The following ECPAS variants were observed in gnomAD, a reference collection of about 807,000 sequenced individuals.
The protein encoded by ECPAS is Ecm29 proteasome adaptor and scaffold.
ECPAS carries 70 observed loss-of-function variants against 255.1 expected under a neutral mutation model. That is an observed-to-expected ratio of 0.27 (90% confidence interval 0.23 to 0.33). The LOEUF (loss-of-function observed/expected upper bound fraction) is 0.33, where lower values mean the gene tolerates loss of function less well. ECPAS is among the 10% of genes least tolerant of loss of function. ECPAS has a pLI of 1.00. For synonymous variants in ECPAS, 784 were observed against 775.0 expected (o/e 1.01, Z -0.19); for missense variants, 1,817 against 2,206.4 (o/e 0.82, Z 3.54).
At chr9:111,459,885 CAG>C (rs563645750) in intron 2 of ECPAS, among the ~76,000 whole-genome samples, 244 of 152,128 alleles carry the variant, frequency 1.6e-3, no homozygotes, top group Non-Finnish European at 2.5e-3. Flanking sequence ...TAACTTCTTC[CAG>C]AGAAGAGAAA....
In ECPAS at chr9:111,361,336, A is replaced by G. The variant is rs958081087; in HGVS notation, c.*694T>C. On this transcript the variant is annotated 3_prime_UTR_variant, in exon 50 of 50. Transcript: ENST00000684092. ...TGTCCTCTCCATCTGTAAAGATGCT[A>G]AACAATCATTTTCTCCAAATCAACC... 4 of 152,216 alleles carry G rather than the reference A, an allele frequency of 2.6e-5. No homozygotes were observed. Among genetic ancestry groups the G allele is most frequent in the South Asian group, 4.1e-4 (2 of 4,832 alleles). 9.4% of individuals were successfully genotyped at this position (152,216 alleles called of 1,614,324 possible).
chr9:111,411,004 T>C lies in ECPAS; in HGVS notation c.2353A>G (p.Ile785Val), dbSNP rs750701539. ...ADTLPDQEEL[I>V]QSATETIGSF... ...CCTATTGTTTCTGTAGCACTCTGAA[T>C]GAGTTCCTCTTGATCAGGGAGGGTG... The change falls in exon 22 of 50, where the codon ATT becomes GTT. Residue 785 changes from isoleucine (I) to valine (V), a missense_variant. Physicochemically the swap from Ile to Val is conservative, Grantham distance 29. Coordinates refer to ENST00000684092, the MANE Select transcript of ECPAS (RefSeq NM_001364929.1). The C allele has an allele frequency of 1.2e-6, 2 of 1,613,728 alleles. No homozygotes were observed. The highest frequency in any genetic ancestry group is 2.2e-5 in the South Asian group (2 of 91,068).
intron 2 of ECPAS, among the ~76,000 whole-genome samples, chr9:111,468,658 CGTGT>C (rs1367356670): frequency 5.1e-5 from 7 of 136,364 alleles, no homozygotes; most frequent in Non-Finnish European, 1.1e-4. Context: ...AGAGAGCGAG[CGTGT>C]GTGTGTGTTT....
Position 111,472,929 on chromosome 9 carries a change from A to C in ECPAS, c.-11T>G. 1 of 1,250,554 alleles carries C rather than the reference A, an allele frequency of 8.0e-7. No homozygotes were observed. The highest frequency in any genetic ancestry group is 1.0e-6 in the Non-Finnish European group (1 of 968,428). 77.5% of individuals were successfully genotyped at this position (1,250,554 alleles called of 1,614,324 possible). On this transcript the variant is annotated 5_prime_UTR_variant, in exon 2 of 50. Transcript: ENST00000684092. ...ATCAATGTGATACATGGTTTATCCA[A>C]TCTTGACAAAAATCCTCGGGATCAC...
intron 24 of ECPAS, among the ~76,000 whole-genome samples, chr9:111,405,733 A>G (rs999100870): frequency 6.7e-6 from 1 of 149,872 alleles, no homozygotes; most frequent in Non-Finnish European, 1.5e-5. Flanking sequence ...AAAAGATCTG[A>G]ATACAGTTAT....
chr9:111,363,482 T>C, intron 49 of ECPAS, 106 bp downstream of exon 49: 1 of 639,806 alleles, frequency 1.6e-6, no homozygotes, highest in Admixed American at 3.1e-5. Context: ...CTGATTTGTA[T>C]TTCAGAGTAT....
chr9:111,466,406 T>C (rs956789007), intron 2 of ECPAS, among the ~76,000 whole-genome samples: 8 of 151,558 alleles, frequency 5.3e-5, no homozygotes, highest in Admixed American at 6.6e-5. Context: ...GATGGCGCCA[T>C]TGCACTCCAG....
In ECPAS at chr9:111,453,596, T is replaced by C. The variant is rs527363477; in HGVS notation, c.23-2041A>G. On this transcript the variant is annotated intron_variant, in intron 2 of 49. Coordinates refer to ENST00000684092, the MANE Select transcript of ECPAS (RefSeq NM_001364929.1). ...ATACAAAAAGGGAGAAATGTTAACTTCACAGTAGAGAAAACTGTCAAATAC... is the reference window on the plus strand; with the variant it reads ...ATACAAAAAGGGAGAAATGTTAACTCCACAGTAGAGAAAACTGTCAAATAC... 7.2e-5 allele frequency among the ~76,000 whole-genome samples: 11 copies of C among 152,308 alleles called. No homozygotes were observed. In the South Asian group the frequency reaches 2.3e-3, roughly 32 times the overall value.
rs1245001267 is a variant in ECPAS, at chr9:111,383,265, G to T, written c.3749C>A (p.Pro1250His). 1 of 1,613,686 alleles carries T rather than the reference G, an allele frequency of 6.2e-7. No individual in the cohort carries two copies. ...AGQRTIAALL[P>H]CLLDKGMMST... ...CATCATTCCTTTGTCCAGAAGGCAAGGCAGAAGGGCAGCGATGGTTCTCTG... is the reference window on the plus strand; with the variant it reads ...CATCATTCCTTTGTCCAGAAGGCAATGCAGAAGGGCAGCGATGGTTCTCTG... Residue 1250 changes from proline to histidine, a missense_variant, in exon 35 of 50, where the codon CCT (proline) becomes CAT (histidine). Around this residue, in one of 4 missense-constraint regions of ECPAS, gnomAD observed 960 missense variants for 1,179.0 expected, o/e 0.81. Transcript: ENST00000684092.
intron 31 of ECPAS, among the ~76,000 whole-genome samples, chr9:111,388,870 G>C (rs2098154856): frequency 6.6e-6 from 1 of 151,902 alleles, no homozygotes; most frequent in African/African-American, 2.4e-5. Flanking sequence ...AGTAGAGGGG[G>C]AAGGTTATTT....
At chr9:111,453,757 TACA>T (rs921644430) in intron 2 of ECPAS, among the ~76,000 whole-genome samples, 11 of 152,046 alleles carry the variant, frequency 7.2e-5, no homozygotes, top group African/African-American at 2.4e-4. Context: ...TAATCATGAG[TACA>T]ACAACAGAAA....
At chr9:111,419,888 G>C in intron 16 of ECPAS, 129 bp downstream of exon 16, 1 of 625,804 alleles carries the variant, frequency 1.6e-6, no homozygotes, top group South Asian at 1.7e-5. Flanking sequence ...ATCACATCAA[G>C]AGCCATACTT....
chr9:111,418,120 TA>T (rs1264815556), intron 16 of ECPAS, 114 bp from the exon 17 acceptor site: 2 of 936,342 alleles, frequency 2.1e-6, no homozygotes, highest in Admixed American at 6.4e-5. Context: ...GAAAATGTCT[TA>T]AATACATTCT....
At chr9:111,398,705 G>A (rs914102851) in intron 24 of ECPAS, among the ~76,000 whole-genome samples, 13 of 152,186 alleles carry the variant, frequency 8.5e-5, no homozygotes, top group African/African-American at 2.7e-4. Flanking sequence ...GGGAGGCCAC[G>A]GTGGGCGGAT....
chr9:111,480,287 CTTTT>C (rs1299523121), intron 1 of ECPAS, among the ~76,000 whole-genome samples: 1 of 113,682 alleles, frequency 8.8e-6, no homozygotes, highest in Admixed American at 9.7e-5. Flanking sequence ...TTAAAAGCAC[CTTTT>C]CTTTTTTTTT....
chr9:111,368,156 A>T (rs189599165), intron 46 of ECPAS, among the ~76,000 whole-genome samples: 37 of 152,290 alleles, frequency 2.4e-4, no homozygotes, highest in African/African-American at 8.7e-4. Flanking sequence ...GGCTAAGATC[A>T]AGTGTAAAGG....
At chr9:111,465,440 T>C (rs2098278333) in intron 2 of ECPAS, among the ~76,000 whole-genome samples, 1 of 151,892 alleles carries the variant, frequency 6.6e-6, no homozygotes, top group Non-Finnish European at 1.5e-5. Context: ...CTCGGGAAGT[T>C]GAGGCAGGAG....
intron 31 of ECPAS, among the ~76,000 whole-genome samples, chr9:111,388,889 C>T (rs1194729822): frequency 6.6e-6 from 1 of 152,124 alleles, no homozygotes; most frequent in Non-Finnish European, 1.5e-5. Context: ...TTTTTAAGTC[C>T]TGTTCTGGGC....
intron 45 of ECPAS, 21 bp from the exon 46 acceptor site, chr9:111,369,194 G>C: frequency 1.4e-6 from 2 of 1,481,204 alleles, no homozygotes; most frequent in Non-Finnish European, 1.8e-6. Context: ...TCAAAGAAAA[G>C]AAAATGTAAT....
Sources: gnomAD v4.1 joint callset for allele counts (sites outside exome capture counted in the v4.1 genomes callset) on GRCh38, gnomAD v4.1.1 for gene constraint, gnomAD v4.1.1 regional missense constraint, MANE v1.5 for transcripts, NCBI Gene and HGNC (gene_info 2026-07-23, HGNC 2026-07-21) for gene names.